Variants in CDKAL1 observed in about 807,000 individuals in gnomAD.
The protein encoded by CDKAL1 is threonylcarbamoyladenosine tRNA methylthiotransferase.
Under a neutral mutation model 68.2 loss-of-function variants are expected in CDKAL1, and 32 were observed. That is an observed-to-expected ratio of 0.47 (90% CI 0.35 to 0.63). The LOEUF (loss-of-function observed/expected upper bound fraction) is 0.63, where lower values mean the gene tolerates loss of function less well. CDKAL1 is among the 30% of genes least tolerant of loss of function. CDKAL1 has a pLI of 0.00. For missense variants in CDKAL1, 606 were observed against 696.7 expected, an observed-to-expected ratio of 0.87 and a Z score of 1.47; for synonymous variants, 234 against 244.3, an observed-to-expected ratio of 0.96 and a Z score of 0.39.
At chr6:20,667,335 C>G (rs1223461300) in intron 5 of CDKAL1, among the ~76,000 whole-genome samples, 1 of 152,130 alleles carries the variant, frequency 6.6e-6, no homozygotes, top group Non-Finnish European at 1.5e-5. Context: ...AGAGTCTTAG[C>G]CAGATAATTA....
intron 5 of CDKAL1, among the ~76,000 whole-genome samples, chr6:20,666,105 A>G (rs1436417682): frequency 6.6e-6 from 1 of 152,160 alleles, no homozygotes; most frequent in East Asian, 1.9e-4. Flanking sequence ...AGTTTAAATA[A>G]ATACTATTAA....
chr6:20,647,103 G>A lies in CDKAL1; in HGVS notation c.287-2190G>A, dbSNP rs7746072. On this transcript the variant is annotated intron_variant, in intron 4 of 15. Coordinates refer to ENST00000274695, the MANE Select transcript of CDKAL1 (RefSeq NM_017774.3). ...GCTAGTTTTTTTTTATCATTAGCTA[G>A]CAGACATCTGTGACATTTTCTTGTC... Among the ~76,000 whole-genome samples, 943 of 152,234 alleles carry A rather than the reference G, an allele frequency of 6.2e-3. 13 individuals carry two copies. Among genetic ancestry groups the A allele is most frequent in the African/African-American group, 0.021 (877 of 41,530 alleles).
chr6:21,107,198 C>T (rs563141499), intron 12 of CDKAL1, among the ~76,000 whole-genome samples: 10 of 152,210 alleles, frequency 6.6e-5, no homozygotes, highest in South Asian at 2.1e-4. Flanking sequence ...CCGCCCACTT[C>T]GGCCTCCCAG....
chr6:20,900,243 A>G (rs1458828369), intron 9 of CDKAL1, among the ~76,000 whole-genome samples: 1 of 152,224 alleles, frequency 6.6e-6, no homozygotes, highest in Non-Finnish European at 1.5e-5. Flanking sequence ...ATTAAAAAAA[A>G]GGGGGCAAAA....
At chr6:20,845,372 A>G (rs1401686619) in intron 8 of CDKAL1, among the ~76,000 whole-genome samples, 1 of 152,122 alleles carries the variant, frequency 6.6e-6, no homozygotes, top group Non-Finnish European at 1.5e-5. Flanking sequence ...TTATAAGAGT[A>G]GAACCAATAT....
chr6:21,020,437 A>G lies in CDKAL1; in HGVS notation c.1055+20065A>G, dbSNP rs181447447. Among the ~76,000 whole-genome samples, 7 of 152,234 alleles carry G rather than the reference A, an allele frequency of 4.6e-5. No individual in the cohort carries two copies. The East Asian group carries it at 1.4e-3, about 29-fold the overall frequency. On this transcript the variant is annotated intron_variant, in intron 11 of 15. Coordinates refer to ENST00000274695, the MANE Select transcript of CDKAL1 (RefSeq NM_017774.3). ...TAGAGTTCACAGGTTCACAGGTACT[A>G]TTACGTACTTCTGTCTTTTTTATTT...
chr6:20,781,383 A>G, intron 8 of CDKAL1, 118 bp downstream of exon 8: 1 of 838,142 alleles, frequency 1.2e-6, no homozygotes, highest in Non-Finnish European at 1.8e-6. Flanking sequence ...AAGAAAAATT[A>G]CAAAATGTGC....
At chr6:20,721,656 C>T (rs1280401478) in intron 5 of CDKAL1, among the ~76,000 whole-genome samples, 1 of 149,760 alleles carries the variant, frequency 6.7e-6, no homozygotes, top group Non-Finnish European at 1.5e-5. Flanking sequence ...TCCATAGTGT[C>T]TGTACTAGTT....
chr6:20,810,404 A>T (rs1406688723), intron 8 of CDKAL1, among the ~76,000 whole-genome samples: 70 of 55,570 alleles, frequency 1.3e-3, no homozygotes, highest in Non-Finnish European at 2.0e-3. Flanking sequence ...ACACACACAC[A>T]CACACACACA....
chr6:20,564,599 A>T (rs1482417223), intron 4 of CDKAL1, among the ~76,000 whole-genome samples: 2 of 152,234 alleles, frequency 1.3e-5, no homozygotes, highest in African/African-American at 4.8e-5. Flanking sequence ...ATCATTTTGT[A>T]GATATAAACT....
chr6:21,113,481 A>G (rs1277040778), intron 13 of CDKAL1, among the ~76,000 whole-genome samples: 3 of 151,772 alleles, frequency 2.0e-5, no homozygotes, highest in African/African-American at 7.3e-5. Flanking sequence ...ACCCATCTCT[A>G]CAAAAAAACG....
intron 10 of CDKAL1, among the ~76,000 whole-genome samples, chr6:20,971,038 G>A (rs774793750): frequency 2.0e-5 from 3 of 152,050 alleles, no homozygotes; most frequent in Non-Finnish European, 2.9e-5. Flanking sequence ...TAGTAGAGAC[G>A]GGGTTTCACT....
In CDKAL1 at chr6:21,169,599, A is replaced by G. The variant is rs906206595; in HGVS notation, c.1300-28422A>G. Among the ~76,000 whole-genome samples the G allele has an allele frequency of 1.2e-4, 18 of 152,164 alleles. 1 individual carries two copies. Among genetic ancestry groups the G allele is most frequent in the Non-Finnish European group, 2.4e-4 (16 of 68,020 alleles). On this transcript the variant is annotated intron_variant, in intron 13 of 15. Coordinates refer to ENST00000274695, the MANE Select transcript of CDKAL1 (RefSeq NM_017774.3). ...TGCAATGAGCTGAGATCGCACCACT[A>G]CACCCCAGCCTTGGGTGACAGAGCG...
intron 5 of CDKAL1, among the ~76,000 whole-genome samples, chr6:20,723,916 G>T (rs965181215): frequency 3.3e-5 from 5 of 152,090 alleles, no homozygotes; most frequent in Non-Finnish European, 5.9e-5. Flanking sequence ...GACTCAAGTG[G>T]CTCTTGCTTT....
intron 10 of CDKAL1, among the ~76,000 whole-genome samples, chr6:20,993,159 A>G (rs949721543): frequency 2.0e-5 from 3 of 152,116 alleles, no homozygotes; most frequent in African/African-American, 7.2e-5. Flanking sequence ...GGGAAGGAAA[A>G]TGTTCTAAAA....
chr6:20,998,610 CA>C (rs1355492899), intron 10 of CDKAL1, among the ~76,000 whole-genome samples: 3 of 138,788 alleles, frequency 2.2e-5, no homozygotes, highest in Non-Finnish European at 4.7e-5. Context: ...AATTCCATCT[CA>C]AAAAAAGAAA....
At chr6:20,663,971 GA>G (rs908902452) in intron 5 of CDKAL1, among the ~76,000 whole-genome samples, 28 of 150,086 alleles carry the variant, frequency 1.9e-4, no homozygotes, top group Non-Finnish European at 1.9e-4. Flanking sequence ...GATTTCACTT[GA>G]AAAAAAAATG....
intron 8 of CDKAL1, among the ~76,000 whole-genome samples, chr6:20,837,223 T>G (rs1777986183): frequency 6.6e-6 from 1 of 152,198 alleles, no homozygotes; most frequent in Non-Finnish European, 1.5e-5. Flanking sequence ...TTAAGTTTTT[T>G]CCCACACAGG....
intron 9 of CDKAL1, among the ~76,000 whole-genome samples, chr6:20,888,277 C>T (rs774353157): frequency 2.6e-5 from 4 of 151,600 alleles, no homozygotes; most frequent in Non-Finnish European, 2.9e-5. Flanking sequence ...TTTCCAGCTT[C>T]ATCCATGTCC....
Sources: allele counts gnomAD v4.1 joint callset (sites outside exome capture counted in the v4.1 genomes callset), GRCh38; gene constraint gnomAD v4.1.1; transcripts MANE v1.5; gene names NCBI Gene and HGNC (gene_info 2026-07-23, HGNC 2026-07-21).